SDCCAG8: variants seen among roughly 807,000 people sequenced by gnomAD.
SDCCAG8 encodes the protein serologically defined colon cancer antigen 8.
SDCCAG8 carries 74 observed loss-of-function variants against 101.8 expected under a neutral mutation model. The observed-to-expected ratio is 0.73, with a 90% CI of 0.60 to 0.88. The LOEUF (loss-of-function observed/expected upper bound fraction) is 0.88. SDCCAG8 is among the 40% of genes least tolerant of loss of function. SDCCAG8 has a pLI of 0.00. For synonymous variants in SDCCAG8, 281 were observed against 292.9 expected, an observed-to-expected ratio of 0.96 and a Z score of 0.41; for missense variants, 787 against 822.6, an observed-to-expected ratio of 0.96 and a Z score of 0.53.
At chr1:243,344,934 C>T (rs1017322519) in intron 12 of SDCCAG8, among the ~76,000 whole-genome samples, 3 of 152,086 alleles carry the variant, frequency 2.0e-5, no homozygotes, top group African/African-American at 7.2e-5. Context: ...TTTTAGTTGA[C>T]AACATGGATA....
chr1:243,439,933 T>G (rs1359176360), intron 16 of SDCCAG8, among the ~76,000 whole-genome samples: 1 of 152,224 alleles, frequency 6.6e-6, no homozygotes, highest in African/African-American at 2.4e-5. Context: ...TAGGGGCCTT[T>G]CAGGCTAATG....
chr1:243,496,957 G>T (rs781585724), intron 17 of SDCCAG8, among the ~76,000 whole-genome samples: 1 of 152,154 alleles, frequency 6.6e-6, no homozygotes, highest in African/African-American at 2.4e-5. Flanking sequence ...GCGCCCTGTC[G>T]CCCCCCTCTG....
chr1:243,261,494 G>T (rs1015439618), intron 1 of SDCCAG8, among the ~76,000 whole-genome samples: 2 of 152,214 alleles, frequency 1.3e-5, no homozygotes, highest in Non-Finnish European at 2.9e-5. Flanking sequence ...AGATAAGGTT[G>T]ACTTTCTATG....
At chr1:243,473,376 T>G (rs1007304155) in intron 16 of SDCCAG8, among the ~76,000 whole-genome samples, 4 of 152,058 alleles carry the variant, frequency 2.6e-5, no homozygotes, top group African/African-American at 7.3e-5. Context: ...CCTTCTTGCT[T>G]TAAATGTCTG....
At chr1:243,366,006 A>T (rs2076970863) in intron 12 of SDCCAG8, among the ~76,000 whole-genome samples, 1 of 152,176 alleles carries the variant, frequency 6.6e-6, no homozygotes, top group African/African-American at 2.4e-5. Flanking sequence ...TTAATTTAGG[A>T]TTATGAATGG....
intron 16 of SDCCAG8, chr1:243,488,017 G>C (rs1392510754): frequency 6.6e-6 from 1 of 152,514 alleles, no homozygotes; most frequent in Non-Finnish European, 1.5e-5. Flanking sequence ...GGGCCGAGCA[G>C]CGCCGGAGGC....
At chr1:243,273,202 T>G (rs960392516) in intron 3 of SDCCAG8, among the ~76,000 whole-genome samples, 9 of 152,180 alleles carry the variant, frequency 5.9e-5, no homozygotes, top group African/African-American at 2.2e-4. Flanking sequence ...TCTATTTTAT[T>G]TTATTCTGCC....
chr1:243,327,319 TTAAAA>T (rs2074231592), intron 9 of SDCCAG8, among the ~76,000 whole-genome samples: 1 of 144,894 alleles, frequency 6.9e-6, no homozygotes, highest in African/African-American at 2.6e-5. Flanking sequence ...TTTATAGAAA[TTAAAA>T]TTATAATTAT....
At chr1:243,323,298 G>A (rs751219601) in intron 9 of SDCCAG8, among the ~76,000 whole-genome samples, 2 of 152,048 alleles carry the variant, frequency 1.3e-5, no homozygotes, top group South Asian at 2.1e-4. Flanking sequence ...CTGCTGGCAC[G>A]TCACTTTCTT....
Position 243,418,051 on chromosome 1 carries a change from C to G in SDCCAG8, c.1828C>G (p.Leu610Val), listed in dbSNP as rs763772496. 9 of 1,612,464 alleles carry G rather than the reference C, an allele frequency of 5.6e-6. No individual in the cohort carries two copies. Among genetic ancestry groups the G allele is most frequent in the Admixed American group, 1.7e-5 (1 of 59,970 alleles). The change falls in exon 15 of 18, where the codon CTG becomes GTG. Residue 610 changes from leucine to valine, a missense_variant. Physicochemically the swap from Leu to Val is conservative, Grantham distance 32 (BLOSUM62 1). Transcript: ENST00000366541. ...AGAATGCTGTACATTAGCCAAGAAACTGGAACAAATCTCTCAAAAAACCAG... is the reference window on the plus strand; with the variant it reads ...AGAATGCTGTACATTAGCCAAGAAAGTGGAACAAATCTCTCAAAAAACCAG... ...KEECCTLAKK[L>V]EQISQKTRSE... is the part of the protein sequence containing the mutation.
chr1:243,400,637 A>G (rs1296066721), intron 13 of SDCCAG8, among the ~76,000 whole-genome samples: 1 of 152,206 alleles, frequency 6.6e-6, no homozygotes, highest in African/African-American at 2.4e-5. Flanking sequence ...TACTGTCCCA[A>G]CTTTGCCTTT....
chr1:243,315,774 G>A (rs1281659193), intron 8 of SDCCAG8, among the ~76,000 whole-genome samples: 2 of 152,026 alleles, frequency 1.3e-5, no homozygotes, highest in African/African-American at 2.4e-5. Context: ...TTTAGACCTT[G>A]GCAATGAAAA....
chr1:243,262,777 T>G (rs1214343445), intron 1 of SDCCAG8, among the ~76,000 whole-genome samples: 1 of 152,218 alleles, frequency 6.6e-6, no homozygotes, highest in Non-Finnish European at 1.5e-5. Flanking sequence ...CCATTTTACT[T>G]GATGATAACT....
chr1:243,259,836 C>T (rs2067066881), intron 1 of SDCCAG8, among the ~76,000 whole-genome samples: 1 of 151,808 alleles, frequency 6.6e-6, no homozygotes, highest in Non-Finnish European at 1.5e-5. Flanking sequence ...ATCCTATCTC[C>T]AAAACAAACA....
At chr1:243,284,903 G>A (rs1277789306) in intron 4 of SDCCAG8, among the ~76,000 whole-genome samples, 1 of 150,870 alleles carries the variant, frequency 6.6e-6, no homozygotes, top group Non-Finnish European at 1.5e-5. Context: ...TTTTTTTTGA[G>A]ACGGAGTCTC....
chr1:243,496,683 T>A (rs1378984425), intron 17 of SDCCAG8, among the ~76,000 whole-genome samples: 2 of 152,196 alleles, frequency 1.3e-5, no homozygotes, highest in African/African-American at 2.4e-5. Context: ...CACTTCTGGC[T>A]GGTTTGGGAA....
At chr1:243,383,492 C>T (rs2078085202) in intron 13 of SDCCAG8, among the ~76,000 whole-genome samples, 1 of 152,194 alleles carries the variant, frequency 6.6e-6, no homozygotes, top group Non-Finnish European at 1.5e-5. Flanking sequence ...GGACATTAGG[C>T]ATTTAAATTG....
chr1:243,274,667 CATT>C lies in SDCCAG8; in HGVS notation c.420+13_420+15del. The C allele has an allele frequency of 6.9e-7, 1 of 1,452,598 alleles. No homozygotes were observed. The highest frequency in any genetic ancestry group is 9.7e-7 in the Non-Finnish European group (1 of 1,034,934). 90.0% of individuals were successfully genotyped at this position (1,452,598 alleles called of 1,614,324 possible). A position where few individuals can be genotyped will look rare whatever the true frequency, so the allele number is the denominator to read the frequency against. On this transcript the variant is annotated intron_variant, in intron 4 of 17. Coordinates refer to ENST00000366541, the MANE Select transcript of SDCCAG8 (RefSeq NM_006642.5). ...GTTAAGTTCTGCAAGGTAAGTTTCTCATTAAGAATTTAAAACTAAATAAATGAA... is the reference window on the plus strand; with the variant it reads ...GTTAAGTTCTGCAAGGTAAGTTTCTCAAGAATTTAAAACTAAATAAATGAA...
In SDCCAG8 at chr1:243,307,790, C is replaced by T. The variant is rs1055299827; in HGVS notation, c.741-199C>T. 3.5e-6 allele frequency: 5 copies of T among 1,445,280 alleles called. No homozygotes were observed. The African/African-American group carries it at 5.7e-5, about 17-fold the overall frequency. The allele number at this position is 1,445,280 out of a possible 1,614,324, so 89.5% of individuals were successfully genotyped here. A position where few individuals can be genotyped will look rare whatever the true frequency, so the allele number is the denominator to read the frequency against. On this transcript the variant is annotated intron_variant, in intron 7 of 17. Transcript: ENST00000366541. ...CTAATTATGTAATTTATTCCAGTCT[C>T]ATCATATTCAACGTGTCAATTAGAA...
Sources: gnomAD v4.1 joint callset for allele counts (sites outside exome capture counted in the v4.1 genomes callset) on GRCh38, gnomAD v4.1.1 for gene constraint, MANE v1.5 for transcripts, NCBI Gene and HGNC (gene_info 2026-07-23, HGNC 2026-07-21) for gene names.